Variants in PCDH15 observed in about 807,000 individuals in gnomAD.
PCDH15 encodes the protein protocadherin-15.
In PCDH15, 129 loss-of-function variants were observed where a neutral mutation model predicts 178.5. That is an observed-to-expected ratio of 0.72 (90% CI 0.63 to 0.84). The LOEUF (loss-of-function observed/expected upper bound fraction) is 0.84. PCDH15 is among the 40% of genes least tolerant of loss of function. The pLI is 0.00. For synonymous variants in PCDH15, 800 were observed against 732.0 expected (o/e 1.09, Z -1.50); for missense variants, 2,230 against 2,099.9 (o/e 1.06, Z -1.21).
intron 2 of PCDH15, among the ~76,000 whole-genome samples, chr10:55,488,952 T>C (rs1259728616): frequency 6.6e-6 from 1 of 151,550 alleles, no homozygotes; most frequent in Non-Finnish European, 1.5e-5. Flanking sequence ...TTTAAAGTGA[T>C]ATTTCAAGAA....
intron 2 of PCDH15, among the ~76,000 whole-genome samples, chr10:54,622,477 C>T (rs2093382666): frequency 7.0e-6 from 1 of 142,580 alleles, no homozygotes; most frequent in Non-Finnish European, 1.5e-5. Flanking sequence ...TGTCCTAATC[C>T]TCTTAACCTC....
intron 2 of PCDH15, among the ~76,000 whole-genome samples, chr10:55,163,563 T>C (rs1208311817): frequency 6.6e-6 from 1 of 152,080 alleles, no homozygotes; most frequent in African/African-American, 2.4e-5. Flanking sequence ...TGAGAAAGGA[T>C]GTTAGCTCAA....
At chr10:55,005,207 A>AAATAATAATAATAATAAT (rs373796184) in intron 2 of PCDH15, among the ~76,000 whole-genome samples, 10,158 of 103,228 alleles carry the variant, frequency 0.098, 492 homozygotes, top group East Asian at 0.34. Context: ...CCCTGTCTCT[A>AAATAATAATAATAATAAT]AATAATAATA....
Position 53,806,843 on chromosome 10 carries a change from T to C in PCDH15, c.4959A>G (p.Thr1653=). The change falls in exon 38 of 38, where the codon ACA becomes ACG. Residue 1653 remains threonine, a synonymous_variant. Transcript: ENST00000644397. ...VTHEENVPLN[T]LSKGPFSTEK... is the part of the protein sequence containing the mutation. ...CAGTAGAAAATGGCCCCTTTGATAA[T>C]GTGTTCAGAGGTACATTCTCCTCAT... 6.2e-7 allele frequency: 1 copy of C among 1,613,862 alleles called. No homozygotes were observed. The highest frequency in any genetic ancestry group is 2.2e-5 in the East Asian group (1 of 44,870).
chr10:55,165,776 A>T (rs1458148617), intron 2 of PCDH15, among the ~76,000 whole-genome samples: 1 of 151,932 alleles, frequency 6.6e-6, no homozygotes, highest in Non-Finnish European at 1.5e-5. Context: ...AATTACAGTT[A>T]TATATTTCTT....
At chr10:54,602,172 T>C (rs2092568508) in intron 2 of PCDH15, among the ~76,000 whole-genome samples, 1 of 152,024 alleles carries the variant, frequency 6.6e-6, no homozygotes, top group African/African-American at 2.4e-5. Flanking sequence ...TTGCAAAAAG[T>C]AAACATTTTC....
intron 31 of PCDH15, among the ~76,000 whole-genome samples, 153 bp downstream of exon 31, chr10:53,828,412 A>T (rs1169918542): frequency 2.0e-5 from 3 of 152,070 alleles, no homozygotes; most frequent in Non-Finnish European, 4.4e-5. Context: ...AATCAGCTCA[A>T]TTCTATATAT....
At chr10:54,304,595 A>G (rs915046888) in intron 8 of PCDH15, among the ~76,000 whole-genome samples, 1 of 152,114 alleles carries the variant, frequency 6.6e-6, no homozygotes, top group Non-Finnish European at 1.5e-5. Flanking sequence ...GGTAAGCCAT[A>G]CACGGGCATT....
chr10:55,100,440 A>C lies in PCDH15; in HGVS notation c.-80+66136T>G, dbSNP rs1842549219. 2.0e-5 allele frequency among the ~76,000 whole-genome samples: 3 copies of C among 152,148 alleles called. No homozygotes were observed. In the South Asian group the frequency reaches 6.2e-4, roughly 32 times the overall value. ...GTCTTCTCTGCTGTGTGCTGCTATA[A>C]AGAAATACTTGAACCTGGGCAATTT... On this transcript the variant is annotated intron_variant, in intron 2 of 5. Transcript: ENST00000458638.
intron 1 of PCDH15, among the ~76,000 whole-genome samples, chr10:55,288,778 G>C (rs1004498168): frequency 6.6e-6 from 1 of 151,580 alleles, no homozygotes; most frequent in Non-Finnish European, 1.5e-5. Flanking sequence ...CGTTTATGTG[G>C]ATTTGTTTTA....
chr10:55,383,477 G>A (rs1209794069), intron 2 of PCDH15, among the ~76,000 whole-genome samples: 1 of 152,074 alleles, frequency 6.6e-6, no homozygotes, highest in Non-Finnish European at 1.5e-5. Context: ...CCAGGCTGCA[G>A]AATGGAACCT....
rs188270011 is a variant in PCDH15 at position 54,642,952 on chromosome 10, T to C, written c.91+21220A>G. Among the ~76,000 whole-genome samples, 304 of 152,320 alleles carry C rather than the reference T, an allele frequency of 2.0e-3. 2 individuals are homozygous for C. Among genetic ancestry groups the C allele is most frequent in the African/African-American group, 6.9e-3 (285 of 41,558 alleles). On this transcript the variant is annotated intron_variant, in intron 2 of 37. Transcript: ENST00000644397. ...TTGTTTTATTTTTTGGGACAGAATC[T>C]CGCTCTCTGTCCCAGGCTGGAGTGC...
At chr10:55,402,034 C>T (rs1838083538) in intron 2 of PCDH15, among the ~76,000 whole-genome samples, 1 of 151,450 alleles carries the variant, frequency 6.6e-6, no homozygotes, top group South Asian at 2.1e-4. Flanking sequence ...AATGTTCTCT[C>T]TAATTGCAAA....
chr10:54,904,650 A>G (rs568073732), intron 2 of PCDH15, among the ~76,000 whole-genome samples: 1 of 152,224 alleles, frequency 6.6e-6, no homozygotes, highest in East Asian at 1.9e-4. Flanking sequence ...AGAATGAACC[A>G]TGACATTTAG....
rs765579299 is a variant in PCDH15 at position 53,806,933 on chromosome 10, T to A, written c.4869A>T (p.Leu1623Phe). ...RTRRACLTDNLKVASPVRLGG... is the reference protein window; with the variant it reads ...RTRRACLTDNFKVASPVRLGG... The stretch of plus-strand genomic sequence containing the variant: ...CCAGTCGAACAGGGGAAGCAACTTT[T>A]AAGTTGTCCGTGAGGCAGGCACGGC... Residue 1623 changes from leucine to phenylalanine, a missense_variant, in exon 38 of 38, where the codon TTA becomes TTT. By Grantham distance (22) the Leu-to-Phe change is conservative. Transcript: ENST00000644397. 4 of 1,613,718 alleles carry A rather than the reference T, an allele frequency of 2.5e-6. No homozygotes were observed. In the African/African-American group the frequency reaches 5.3e-5, roughly 22 times the overall value.
chr10:54,686,041 A>ATTTTTTTTTTTTTTTTTTTTTT (rs66539612), intron 1 of PCDH15, among the ~76,000 whole-genome samples: 2 of 126,878 alleles, frequency 1.6e-5, no homozygotes, highest in African/African-American at 2.9e-5. Flanking sequence ...AAGACAGCCA[A>ATTTTTTTTTTTTTTTTTTTTTT]TTTTTTTTTT....
intron 2 of PCDH15, among the ~76,000 whole-genome samples, chr10:55,413,374 A>C (rs1838393296): frequency 6.6e-6 from 1 of 151,688 alleles, no homozygotes; most frequent in Non-Finnish European, 1.5e-5. Flanking sequence ...TATTTTAAAT[A>C]AAATGTTTAG....
intron 2 of PCDH15, among the ~76,000 whole-genome samples, chr10:55,510,028 A>G (rs1327448125): frequency 6.6e-6 from 1 of 151,986 alleles, no homozygotes; most frequent in African/African-American, 2.4e-5. Flanking sequence ...CTTCACCACT[A>G]TCTTCCACTA....
intron 1 of PCDH15, among the ~76,000 whole-genome samples, chr10:54,703,131 T>A (rs1022836040): frequency 2.6e-5 from 4 of 152,082 alleles, no homozygotes; most frequent in South Asian, 2.1e-4. Flanking sequence ...CAAATCCACA[T>A]GATCATCTCA....
Sources: allele counts gnomAD v4.1 joint callset (sites outside exome capture counted in the v4.1 genomes callset), GRCh38; gene constraint gnomAD v4.1.1; transcripts MANE v1.5; gene names NCBI Gene and HGNC (gene_info 2026-07-23, HGNC 2026-07-21).